Variants in RHBDD1 observed in about 807,000 individuals in gnomAD.
RHBDD1 encodes the protein rhomboid domain containing 1, also known as rhomboid-related protein 4.
In RHBDD1, 38 loss-of-function variants were observed where a neutral mutation model predicts 36.3. The observed-to-expected ratio is 1.05, with a 90% confidence interval of 0.81 to 1.37. RHBDD1 has a LOEUF of 1.37. RHBDD1 is among the 40% of genes most tolerant of loss of function. The pLI, the probability that RHBDD1 is intolerant of heterozygous loss-of-function variation, is 0.00. For synonymous variants in RHBDD1, 151 were observed against 136.5 expected (o/e 1.11, Z -0.74); for missense variants, 393 against 377.6 (o/e 1.04, Z -0.34).
the RHBDD1 span, among the ~76,000 whole-genome samples, chr2:226,800,860 G>C: frequency 6.6e-6 from 1 of 152,216 alleles, no homozygotes; most frequent in Non-Finnish European, 1.5e-5. Context: ...CAGGAAAATG[G>C]TTACTTCATG....
chr2:226,855,259 A>G (rs1321389973), intron 3 of RHBDD1, among the ~76,000 whole-genome samples: 1 of 152,248 alleles, frequency 6.6e-6, no homozygotes, highest in Non-Finnish European at 1.5e-5. Flanking sequence ...TGTAATCTCA[A>G]TACTTTGGGA....
intron 8 of RHBDD1, among the ~76,000 whole-genome samples, chr2:226,917,460 T>TATA (rs1948994081): frequency 6.6e-6 from 1 of 152,152 alleles, no homozygotes; most frequent in South Asian, 2.1e-4. Context: ...AAGACTCGCT[T>TATA]GGTGAGAAGA....
At chr2:226,883,862 AAG>A (rs1447593003) in intron 5 of RHBDD1, among the ~76,000 whole-genome samples, 3 of 152,224 alleles carry the variant, frequency 2.0e-5, no homozygotes, top group Admixed American at 2.0e-4. Context: ...TTTACAGGAA[AAG>A]GGTGTTTTTA....
chr2:226,942,351 T>G (rs1950721715), intron 8 of RHBDD1: 1 of 155,998 alleles, frequency 6.4e-6, no homozygotes, highest in Admixed American at 6.6e-5. Flanking sequence ...CCATTCTCCC[T>G]GCCTCAGCGT....
chr2:226,869,884 C>T (rs1944646255), intron 5 of RHBDD1, among the ~76,000 whole-genome samples: 1 of 152,180 alleles, frequency 6.6e-6, no homozygotes, highest in Admixed American at 6.5e-5. Flanking sequence ...TGCAGGCCAC[C>T]TCTGGTGCCT....
At chr2:226,838,277 T>G (rs1259323131) in intron 2 of RHBDD1, 123 bp downstream of exon 2, 3 of 152,240 alleles carry the variant, frequency 2.0e-5, no homozygotes, top group Non-Finnish European at 4.4e-5. Flanking sequence ...TTGAATGGAT[T>G]ATTCTGGAAA....
intron 5 of RHBDD1, among the ~76,000 whole-genome samples, chr2:226,880,650 C>T (rs1314172905): frequency 2.0e-5 from 3 of 152,298 alleles, no homozygotes; most frequent in East Asian, 1.9e-4. Flanking sequence ...GGACAATGAT[C>T]TTCCCATTCC....
At chr2:226,900,777 A>G (rs1947521733) in intron 5 of RHBDD1, among the ~76,000 whole-genome samples, 2 of 152,208 alleles carry the variant, frequency 1.3e-5, no homozygotes, top group Non-Finnish European at 2.9e-5. Flanking sequence ...AAGGTGTATA[A>G]TGTGATCTTT....
At chr2:226,898,929 G>C (rs922455048) in intron 5 of RHBDD1, among the ~76,000 whole-genome samples, 2 of 152,166 alleles carry the variant, frequency 1.3e-5, no homozygotes, top group African/African-American at 4.8e-5. Flanking sequence ...TCTCCAAGTT[G>C]CGTCCTTAAT....
intron 3 of RHBDD1, among the ~76,000 whole-genome samples, chr2:226,854,746 AT>A (rs1234709602): frequency 6.6e-6 from 1 of 152,088 alleles, no homozygotes; most frequent in Non-Finnish European, 1.5e-5. Context: ...ACTTAAAGAT[AT>A]TTTTTCCATA....
intron 8 of RHBDD1, among the ~76,000 whole-genome samples, chr2:226,932,589 T>G (rs1035934364): frequency 1.3e-5 from 2 of 152,102 alleles, no homozygotes; most frequent in African/African-American, 4.8e-5. Flanking sequence ...CGTTTTGTGC[T>G]GTGACTCGGA....
chr2:226,870,459 T>C (rs1181204450), intron 5 of RHBDD1, among the ~76,000 whole-genome samples: 1 of 152,226 alleles, frequency 6.6e-6, no homozygotes, highest in Admixed American at 6.5e-5. Context: ...CTTGACTTTT[T>C]TCGTCCTGAA....
intron 3 of RHBDD1, among the ~76,000 whole-genome samples, chr2:226,845,944 A>G (rs16822747): frequency 0.023 from 3,427 of 152,270 alleles, 137 homozygotes; most frequent in African/African-American, 0.078. Context: ...TGTAACTGAC[A>G]GTTAGTAGTT....
chr2:226,864,727 C>T lies in RHBDD1; in HGVS notation c.34C>T (p.Leu12Phe), dbSNP rs1268486542. The T allele has an allele frequency of 1.2e-6, 2 of 1,614,006 alleles. No homozygotes were observed. The highest frequency in any genetic ancestry group is 2.2e-5 in the East Asian group (1 of 44,892). ...GAGATCAAGAGGGATAAATACTGGACTTATTCTACTCCTTTCTCAAATCTT... is the reference window on the plus strand; with the variant it reads ...GAGATCAAGAGGGATAAATACTGGATTTATTCTACTCCTTTCTCAAATCTT... ...QRRSRGINTG[L>F]ILLLSQIFHV... The change falls in exon 4 of 9, where the codon CTT (leucine) becomes TTT (phenylalanine). Residue 12 changes from leucine to phenylalanine, a missense_variant. Coordinates refer to ENST00000392062, the MANE Select transcript of RHBDD1 (RefSeq NM_001167608.3).
chr2:226,905,088 A>C (rs954973200), intron 5 of RHBDD1, among the ~76,000 whole-genome samples: 1 of 151,706 alleles, frequency 6.6e-6, no homozygotes, highest in African/African-American at 2.4e-5. Context: ...CTCTTTCATA[A>C]CTTTCAGTTT....
intron 5 of RHBDD1, among the ~76,000 whole-genome samples, chr2:226,878,823 T>A (rs1007634504): frequency 1.3e-5 from 2 of 152,052 alleles, no homozygotes; most frequent in Non-Finnish European, 2.9e-5. Flanking sequence ...ATGGCAACCA[T>A]GAGTTGAATG....
At chr2:226,842,537 T>C (rs759578678) in intron 3 of RHBDD1, among the ~76,000 whole-genome samples, 3 of 152,216 alleles carry the variant, frequency 2.0e-5, no homozygotes, top group Non-Finnish European at 4.4e-5. Context: ...ATTTATTAAA[T>C]AGGGAATCCT....
chr2:226,815,396 A>G, the RHBDD1 span, among the ~76,000 whole-genome samples: 2 of 152,216 alleles, frequency 1.3e-5, no homozygotes, highest in Non-Finnish European at 2.9e-5. Context: ...TCCTTCTGGA[A>G]TCCTACTTTT....
In RHBDD1 at chr2:226,983,414, G is replaced by A. The variant is rs368260527; in HGVS notation, c.857-12017G>A. Among the ~76,000 whole-genome samples the A allele has an allele frequency of 2.7e-3, 407 of 152,272 alleles. 4 individuals carry two copies. The South Asian group carries it at 0.042, about 16-fold the overall frequency. ...AGTTATGTGGTTCACTTTATTTGCTGCTAGTCAGTCAGGCCACCTAGCCTA... is the reference window on the plus strand; with the variant it reads ...AGTTATGTGGTTCACTTTATTTGCTACTAGTCAGTCAGGCCACCTAGCCTA... On this transcript the variant is annotated intron_variant, in intron 8 of 8. Transcript: ENST00000392062.
Sources: allele counts gnomAD v4.1 joint callset (sites outside exome capture counted in the v4.1 genomes callset), GRCh38; gene constraint gnomAD v4.1.1; transcripts MANE v1.5; gene names NCBI Gene and HGNC (gene_info 2026-07-23, HGNC 2026-07-21).